The following EP400 variants were observed in gnomAD, a reference collection of about 807,000 sequenced individuals.
The protein encoded by EP400 is E1A-binding protein p400.
In EP400, 105 loss-of-function variants were observed where a neutral mutation model predicts 354.1. The ratio of observed to expected loss-of-function variants is 0.30; its 90% CI spans 0.25 to 0.35. The LOEUF is 0.35. Ranked by LOEUF, EP400 falls within the 10% of genes least tolerant of loss-of-function variation. The pLI is 1.00. For missense variants in EP400, 3,280 were observed against 4,121.0 expected, an observed-to-expected ratio of 0.80 and a Z score of 5.59; for synonymous variants, 1,646 against 1,716.9, an observed-to-expected ratio of 0.96 and a Z score of 1.02.
intron 30 of EP400, among the ~76,000 whole-genome samples, chr12:132,035,825 T>TG (rs2136564301): frequency 1.4e-5 from 2 of 142,064 alleles, no homozygotes; most frequent in East Asian, 2.2e-4. Flanking sequence ...CGGAACATCG[T>TG]GGAAGGACAC....
At chr12:132,046,425 A>T (rs1895099494) in intron 39 of EP400, among the ~76,000 whole-genome samples, 2 of 152,082 alleles carry the variant, frequency 1.3e-5, no homozygotes, top group African/African-American at 4.8e-5. Flanking sequence ...CTTTGTTTTG[A>T]TCGTGGCGTA....
rs145861177 is a variant in EP400 at position 132,055,677 on chromosome 12, G to A, written c.7884+469G>A. Among the ~76,000 whole-genome samples the A allele has an allele frequency of 7.8e-4, 112 of 144,184 alleles. 1 individual carries two copies. The Middle Eastern group carries it at 0.011, about 14-fold the overall frequency. 94.6% of individuals were successfully genotyped at this position (144,184 alleles called of 152,430 possible). On this transcript the variant is annotated intron_variant, in intron 45 of 52. Coordinates refer to ENST00000389561, the MANE Select transcript of EP400 (RefSeq NM_015409.5). ...AGGTGTAGGGGTATGTGTGTGAGGT[G>A]TAGGGGGGCGTGTGTGAAGTGTAGG...
chr12:132,031,816 A>G, intron 29 of EP400, 137 bp from the exon 30 acceptor site: 1 of 810,168 alleles, frequency 1.2e-6, no homozygotes, highest in Non-Finnish European at 1.9e-6. Flanking sequence ...CGGCCTCCCA[A>G]AGTGCTGGGA....
intron 19 of EP400, among the ~76,000 whole-genome samples, chr12:132,014,253 C>T (rs1311070143): frequency 6.6e-6 from 1 of 152,242 alleles, no homozygotes; most frequent in Non-Finnish European, 1.5e-5. Context: ...TTGAGCAGCT[C>T]GCCTTCCCAC....
At chr12:132,041,459 TC>T (rs1467592232) in intron 32 of EP400, among the ~76,000 whole-genome samples, 5 of 152,238 alleles carry the variant, frequency 3.3e-5, no homozygotes, top group Non-Finnish European at 5.9e-5. Flanking sequence ...TTCTGCACTT[TC>T]CATACGTGGA....
intron 7 of EP400, 96 bp downstream of exon 7, chr12:131,987,986 T>A: frequency 1.8e-5 from 8 of 447,772 alleles, no homozygotes; most frequent in Non-Finnish European, 2.5e-5. Flanking sequence ...AGACCCACTT[T>A]TTTTTTTTTT....
chr12:132,065,061 AT>A, intron 48 of EP400, 175 bp downstream of exon 48: 4 of 1,196,638 alleles, frequency 3.3e-6, no homozygotes, highest in Non-Finnish European at 3.4e-6. Flanking sequence ...CTCGTGGAAC[AT>A]TAACACAGCA....
At chr12:132,014,415 C>T (rs752224485) in intron 19 of EP400, among the ~76,000 whole-genome samples, 7 of 152,184 alleles carry the variant, frequency 4.6e-5, no homozygotes, top group Non-Finnish European at 1.0e-4. Flanking sequence ...CTCTGTCTGG[C>T]AGGGACGTGC....
In EP400 at chr12:132,038,160, T is replaced by A; in HGVS notation, c.6207+64T>A. 6.3e-7 allele frequency: 1 copy of A among 1,594,404 alleles called. No individual in the cohort carries two copies. The highest frequency in any genetic ancestry group is 1.1e-5 in the South Asian group (1 of 88,522). On this transcript the variant is annotated intron_variant, in intron 32 of 52. Transcript: ENST00000389561. This position sits in a 1 kb window ranked among gnomAD's most constrained non-coding sequence, Gnocchi z 4.2. Reference sequence around the variant, plus strand: ...GGGAGCCGGCGGAACACCTGCACCCTCCCCCAGGGTTCTGGGTGCTCAGTC... The same window carrying A: ...GGGAGCCGGCGGAACACCTGCACCCACCCCCAGGGTTCTGGGTGCTCAGTC...
chr12:132,033,916 A>G (rs1011762862), intron 30 of EP400, among the ~76,000 whole-genome samples: 6 of 152,210 alleles, frequency 3.9e-5, no homozygotes, highest in South Asian at 4.1e-4. Context: ...TTTTCTTGCT[A>G]TAAATGCATT....
chr12:131,995,837 C>T (rs182617868), intron 12 of EP400, among the ~76,000 whole-genome samples: 4 of 149,804 alleles, frequency 2.7e-5, no homozygotes, highest in Admixed American at 6.6e-5. Flanking sequence ...CTGAATGTGC[C>T]GTTCATCCTG....
At chr12:132,016,994 C>T (rs1027521632) in intron 19 of EP400, among the ~76,000 whole-genome samples, 2 of 152,224 alleles carry the variant, frequency 1.3e-5, no homozygotes, top group African/African-American at 4.8e-5. Flanking sequence ...GTGCTCACAC[C>T]AGAGAGCTAC....
chr12:131,972,309 C>T (rs943567665), intron 2 of EP400, among the ~76,000 whole-genome samples: 6 of 152,018 alleles, frequency 3.9e-5, no homozygotes, highest in African/African-American at 9.7e-5. Flanking sequence ...CCTGCGACCA[C>T]GCCCGGCGAA....
rs895511262 is a variant in EP400, at chr12:132,017,972, G to A, written c.4111-238G>A. Reference sequence around the variant, plus strand: ...GATGCAGAGGGCAGGCTTTCTTGGCGTTGTGTGGATTGTGGGCTGTGAGAA... The same window carrying A: ...GATGCAGAGGGCAGGCTTTCTTGGCATTGTGTGGATTGTGGGCTGTGAGAA... On this transcript the variant is annotated intron_variant, in intron 20 of 52. Transcript: ENST00000389561. The surrounding 1 kb of genome is among the most constrained non-coding windows in gnomAD (Gnocchi z 5.0). Among the ~76,000 whole-genome samples, 1 of 152,212 alleles carries A rather than the reference G, an allele frequency of 6.6e-6. No homozygotes were observed. The highest frequency in any genetic ancestry group is 1.5e-5 in the Non-Finnish European group (1 of 68,034).
Position 131,994,738 on chromosome 12 carries a change from A to G in EP400, c.2738-129A>G, listed in dbSNP as rs1893147977. On this transcript the variant is annotated intron_variant, in intron 11 of 52. Transcript: ENST00000389561. The surrounding 1 kb of genome is among the most constrained non-coding windows in gnomAD (Gnocchi z 4.6). ...CCATTTAATTAAATTTAACCTGAGA[A>G]GTTTAAAAGCTCAGTTTCAATTTCT... 1.5e-6 allele frequency: 1 copy of G among 657,288 alleles called. No homozygotes were observed. The allele number at this position is 657,288 out of a possible 1,614,324, so 40.7% of individuals were successfully genotyped here. A position where few individuals can be genotyped will look rare whatever the true frequency, so the allele number is the denominator to read the frequency against.
intron 52 of EP400, among the ~76,000 whole-genome samples, chr12:132,077,128 T>G (rs1274089600): frequency 6.6e-6 from 1 of 152,210 alleles, no homozygotes; most frequent in Admixed American, 6.5e-5. Flanking sequence ...ATTAAAAGCT[T>G]TACTACAACA....
At chr12:131,985,013 C>T (rs917971685) in intron 5 of EP400, among the ~76,000 whole-genome samples, 1 of 151,316 alleles carries the variant, frequency 6.6e-6, no homozygotes, top group Non-Finnish European at 1.5e-5. Context: ...GCTTAGGCAA[C>T]TGTTTTTTTT....
In EP400 at chr12:132,032,078, T is replaced by G; in HGVS notation, c.5880T>G (p.Asn1960Lys). Residue 1960 changes from asparagine to lysine, a missense_variant, in exon 30 of 53, where the codon AAT becomes AAG. Asn to Lys is a moderately conservative substitution (Grantham distance 94). Coordinates refer to ENST00000389561, the MANE Select transcript of EP400 (RefSeq NM_015409.5). ...TCGTGTTTTATGACAATGACCTGAA[T>G]CCAGTGATGGATGCCAAAGCTCAGG... is the stretch of plus-strand genomic sequence containing the variant. ...DTVVFYDNDLNPVMDAKAQEW... is the reference protein window; with the variant it reads ...DTVVFYDNDLKPVMDAKAQEW... 6.2e-7 allele frequency: 1 copy of G among 1,614,062 alleles called. No individual in the cohort carries two copies. The highest frequency in any genetic ancestry group is 8.5e-7 in the Non-Finnish European group (1 of 1,180,004).
At chr12:132,032,227 C>T (rs567454393) in intron 30 of EP400, 78 bp downstream of exon 30, 47 of 1,447,210 alleles carry the variant, frequency 3.2e-5, no homozygotes, top group Admixed American at 6.8e-5. Flanking sequence ...GGGATGGCCG[C>T]GTGGAAATGG....
Sources: gnomAD v4.1 joint callset for allele counts (sites outside exome capture counted in the v4.1 genomes callset) on GRCh38, gnomAD v4.1.1 for gene constraint, Gnocchi (gnomAD v3.1) non-coding constraint, MANE v1.5 for transcripts, NCBI Gene and HGNC (gene_info 2026-07-23, HGNC 2026-07-21) for gene names.